Variants in NLGN1 observed in about 807,000 individuals in gnomAD.
NLGN1 encodes the protein neuroligin 1.
Under a neutral mutation model 65.5 loss-of-function variants are expected in NLGN1, and 12 were observed. The ratio of observed to expected loss-of-function variants is 0.18; its 90% confidence interval spans 0.12 to 0.30. NLGN1 has a LOEUF of 0.30. Ranked by LOEUF, NLGN1 falls within the 10% of genes least tolerant of loss-of-function variation. The pLI, the probability that NLGN1 is intolerant of heterozygous loss-of-function variation, is 1.00. For missense variants in NLGN1, 750 were observed against 1,007.1 expected (o/e 0.74, Z 3.46); for synonymous variants, 350 against 359.5 (o/e 0.97, Z 0.30).
intron 4 of NLGN1, among the ~76,000 whole-genome samples, chr3:173,954,538 A>G (rs1235388851): frequency 6.6e-6 from 1 of 152,130 alleles, no homozygotes; most frequent in Non-Finnish European, 1.5e-5. Flanking sequence ...GCATTTCACA[A>G]TGTCTGCCAA....
chr3:173,517,014 C>G (rs1733921259), intron 2 of NLGN1, among the ~76,000 whole-genome samples: 1 of 151,790 alleles, frequency 6.6e-6, no homozygotes, highest in Non-Finnish European at 1.5e-5. Context: ...ATTCATATAT[C>G]TTTAAGTATT....
At chr3:174,177,139 T>C (rs1031494526) in intron 4 of NLGN1, among the ~76,000 whole-genome samples, 5 of 152,106 alleles carry the variant, frequency 3.3e-5, no homozygotes, top group Non-Finnish European at 5.9e-5. Context: ...TTGGAAACTA[T>C]CTCAGAGATT....
chr3:173,654,804 A>G (rs1276422871), intron 3 of NLGN1, among the ~76,000 whole-genome samples: 1 of 152,194 alleles, frequency 6.6e-6, no homozygotes, highest in Non-Finnish European at 1.5e-5. Flanking sequence ...TTTGATTGAA[A>G]TGGCCAATGT....
intron 2 of NLGN1, among the ~76,000 whole-genome samples, chr3:173,532,883 C>G (rs1736826832): frequency 6.6e-6 from 1 of 152,198 alleles, no homozygotes; most frequent in African/African-American, 2.4e-5. Flanking sequence ...CTCCTTACTC[C>G]TGAAACCAAG....
chr3:173,608,279 A>G (rs1160398350), intron 3 of NLGN1, among the ~76,000 whole-genome samples: 6 of 151,848 alleles, frequency 4.0e-5, no homozygotes, highest in African/African-American at 7.2e-5. Context: ...AATATTTCCC[A>G]TGATAGTTTT....
At chr3:174,264,013 C>T (rs1222365899) in intron 4 of NLGN1, among the ~76,000 whole-genome samples, 1 of 150,826 alleles carries the variant, frequency 6.6e-6, no homozygotes, top group Non-Finnish European at 1.5e-5. Flanking sequence ...ATATTGGCCC[C>T]CACTCTCTTC....
At chr3:173,725,568 C>T (rs1430365710) in intron 3 of NLGN1, among the ~76,000 whole-genome samples, 1 of 152,200 alleles carries the variant, frequency 6.6e-6, no homozygotes, top group African/African-American at 2.4e-5. Context: ...TTAGAGGGCT[C>T]ACACTACAGC....
chr3:173,795,226 CT>C (rs1200042222), intron 3 of NLGN1, among the ~76,000 whole-genome samples: 2 of 152,012 alleles, frequency 1.3e-5, no homozygotes, highest in Non-Finnish European at 2.9e-5. Context: ...GATATGGATT[CT>C]TTTTTTAAAT....
chr3:173,831,464 A>G (rs1011091275), intron 4 of NLGN1, among the ~76,000 whole-genome samples: 2 of 152,232 alleles, frequency 1.3e-5, no homozygotes, highest in East Asian at 3.9e-4. Flanking sequence ...TGTGAACACA[A>G]CTACTACAGT....
intron 3 of NLGN1, among the ~76,000 whole-genome samples, chr3:173,621,220 C>G (rs1239646675): frequency 1.3e-5 from 2 of 152,012 alleles, no homozygotes; most frequent in Non-Finnish European, 2.9e-5. Context: ...TATAGCTCTT[C>G]ATAAAAATGT....
chr3:173,588,624 A>G (rs1747909825), intron 2 of NLGN1, among the ~76,000 whole-genome samples: 1 of 152,208 alleles, frequency 6.6e-6, no homozygotes, highest in South Asian at 2.1e-4. Flanking sequence ...AACAGTCAGT[A>G]TAATCTCTTC....
intron 4 of NLGN1, among the ~76,000 whole-genome samples, chr3:174,249,066 T>C (rs1357819704): frequency 6.6e-6 from 1 of 152,152 alleles, no homozygotes; most frequent in African/African-American, 2.4e-5. Context: ...TTAGTGCCCA[T>C]ATATTTGTCT....
intron 3 of NLGN1, among the ~76,000 whole-genome samples, chr3:173,713,254 G>A (rs1297222474): frequency 6.6e-6 from 1 of 152,112 alleles, no homozygotes; most frequent in Non-Finnish European, 1.5e-5. Context: ...TCCCAAGTGA[G>A]CAAAAACTAA....
intron 3 of NLGN1, among the ~76,000 whole-genome samples, chr3:173,794,450 C>T (rs1245610511): frequency 4.6e-5 from 7 of 152,094 alleles, no homozygotes; most frequent in Non-Finnish European, 7.4e-5. Context: ...CCATCCCAAT[C>T]CCATCTTCAT....
chr3:173,869,084 G>A (rs1269344605), intron 4 of NLGN1, among the ~76,000 whole-genome samples: 1 of 152,032 alleles, frequency 6.6e-6, no homozygotes, highest in African/African-American at 2.4e-5. Flanking sequence ...ATACTTTTAA[G>A]GAGCATAGTA....
chr3:174,092,612 G>A (rs935433230), intron 4 of NLGN1, among the ~76,000 whole-genome samples: 4 of 151,112 alleles, frequency 2.6e-5, no homozygotes, highest in African/African-American at 7.3e-5. Context: ...ACATTATAAC[G>A]TTTCTCTTAT....
intron 4 of NLGN1, among the ~76,000 whole-genome samples, chr3:173,876,075 A>G (rs1260925322): frequency 6.6e-6 from 1 of 152,196 alleles, no homozygotes; most frequent in Non-Finnish European, 1.5e-5. Flanking sequence ...GTATAGCAGT[A>G]GTGATAAAGA....
intron 3 of NLGN1, among the ~76,000 whole-genome samples, chr3:173,791,850 C>A (rs1712842621): frequency 6.6e-6 from 1 of 152,040 alleles, no homozygotes; most frequent in African/African-American, 2.4e-5. Context: ...GTTAAACACT[C>A]TATTTTTGTT....
chr3:173,834,888 A>G (rs1723300402), intron 4 of NLGN1, among the ~76,000 whole-genome samples: 1 of 152,210 alleles, frequency 6.6e-6, no homozygotes, highest in African/African-American at 2.4e-5. Flanking sequence ...ATAACAGAGG[A>G]GAAATCCTGT....
Sources: gnomAD v4.1 joint callset for allele counts (sites outside exome capture counted in the v4.1 genomes callset) on GRCh38, gnomAD v4.1.1 for gene constraint, MANE v1.5 for transcripts, NCBI Gene and HGNC (gene_info 2026-07-23, HGNC 2026-07-21) for gene names.